ADARB2: variants seen among roughly 807,000 people sequenced by gnomAD.
ADARB2 encodes adenosine deaminase RNA specific B2 (inactive).
In ADARB2, 25 loss-of-function variants were observed where a neutral mutation model predicts 62.2. The ratio of observed to expected loss-of-function variants is 0.40; its 90% CI spans 0.29 to 0.56. ADARB2 has a LOEUF of 0.56. ADARB2 is among the 20% of genes least tolerant of loss of function. The pLI is 0.43. For synonymous variants in ADARB2, 572 were observed against 500.8 expected (o/e 1.14, Z -1.90); for missense variants, 1,071 against 1,077.4 (o/e 0.99, Z 0.08).
In ADARB2 at chr10:1,216,839, C is replaced by T. The variant is rs925625339; in HGVS notation, c.1682+112G>A. On this transcript the variant is annotated intron_variant, in intron 7 of 9. Coordinates refer to ENST00000381312, the MANE Select transcript of ADARB2 (RefSeq NM_018702.4). ...CACGGCTCAGGCACAGGGCCCTGAC[C>T]GCATGTGCCCAGCATCACTGACCTC... is the stretch of plus-strand genomic sequence containing the variant. 200 of 1,364,060 alleles carry T rather than the reference C, an allele frequency of 1.5e-4. No individual in the cohort carries two copies. The African/African-American group carries it at 1.9e-3, about 13-fold the overall frequency. 84.5% of individuals were successfully genotyped at this position (1,364,060 alleles called of 1,614,324 possible).
chr10:1,631,722 C>T (rs977439943), intron 1 of ADARB2, among the ~76,000 whole-genome samples: 2 of 152,174 alleles, frequency 1.3e-5, no homozygotes, highest in African/African-American at 2.4e-5. Flanking sequence ...TTCCATTCTC[C>T]TCCTGCTGCC....
At chr10:1,453,236 G>T (rs907778577) in intron 1 of ADARB2, among the ~76,000 whole-genome samples, 2 of 152,172 alleles carry the variant, frequency 1.3e-5, no homozygotes, top group Non-Finnish European at 2.9e-5. Context: ...TCCCTTTGCT[G>T]ATTGTGCCCT....
chr10:1,574,402 G>A (rs781738301), intron 1 of ADARB2, among the ~76,000 whole-genome samples: 6 of 152,230 alleles, frequency 3.9e-5, no homozygotes, highest in Non-Finnish European at 8.8e-5. Context: ...TTGGGCAGAC[G>A]ACGGGAGCCA....
chr10:1,374,364 G>A (rs538636566), intron 2 of ADARB2, among the ~76,000 whole-genome samples: 6 of 152,334 alleles, frequency 3.9e-5, no homozygotes, highest in African/African-American at 1.4e-4. Flanking sequence ...GCACCCTCCA[G>A]AGCCTCATAC....
At chr10:1,721,304 T>C (rs571415169) in intron 1 of ADARB2, among the ~76,000 whole-genome samples, 6 of 152,364 alleles carry the variant, frequency 3.9e-5, no homozygotes, top group South Asian at 2.1e-4. Context: ...TTTTGCTGTA[T>C]GTGTTCAGAT....
intron 1 of ADARB2, among the ~76,000 whole-genome samples, chr10:1,734,549 A>ACAC (rs1235274524): frequency 1.3e-5 from 2 of 152,190 alleles, no homozygotes; most frequent in Non-Finnish European, 2.9e-5. Context: ...AGATGTCACC[A>ACAC]CACTGGGAAA....
At chr10:1,686,202 G>A (rs1472949657) in intron 1 of ADARB2, among the ~76,000 whole-genome samples, 7 of 152,234 alleles carry the variant, frequency 4.6e-5, no homozygotes, top group African/African-American at 7.2e-5. Context: ...ATTTCAGGGC[G>A]GTGCTGATAG....
chr10:1,255,631 C>T lies in ADARB2; in HGVS notation c.1193-13332G>A, dbSNP rs576240454. ...TCCCCATCAGGGAATGGAACTTCTC[C>T]AAACCTGATGGGCTGTCGGTGAGGT... On this transcript the variant is annotated intron_variant, in intron 4 of 9. Transcript: ENST00000381312. The surrounding 1 kb of genome is among the most constrained non-coding windows in gnomAD (Gnocchi z 4.7). 6.0e-4 allele frequency among the ~76,000 whole-genome samples: 91 copies of T among 152,356 alleles called. No homozygotes were observed. The highest frequency in any genetic ancestry group is 2.0e-3 in the African/African-American group (83 of 41,584).
At chr10:1,330,693 G>A (rs972658497) in intron 3 of ADARB2, among the ~76,000 whole-genome samples, 1 of 152,156 alleles carries the variant, frequency 6.6e-6, no homozygotes, top group African/African-American at 2.4e-5. Context: ...TTTAGGCAAC[G>A]ATTCATTAGC....
intron 1 of ADARB2, among the ~76,000 whole-genome samples, chr10:1,603,003 CA>C (rs1833442369): frequency 6.9e-6 from 1 of 145,366 alleles, no homozygotes; most frequent in Admixed American, 6.9e-5. Context: ...CCAACACACA[CA>C]ACTGTACACA....
chr10:1,613,329 A>C (rs1701614526), intron 1 of ADARB2, among the ~76,000 whole-genome samples: 2 of 152,246 alleles, frequency 1.3e-5, no homozygotes, highest in Admixed American at 6.5e-5. Context: ...TTTTTTAAGC[A>C]AAAATATAAA....
chr10:1,221,210 C>T (rs1184491409), intron 6 of ADARB2, among the ~76,000 whole-genome samples: 3 of 152,048 alleles, frequency 2.0e-5, no homozygotes, highest in Non-Finnish European at 4.4e-5. Context: ...AAGTGTAGAA[C>T]CTCAAACTCC....
At chr10:1,198,552 T>C (rs565185959) in intron 8 of ADARB2, among the ~76,000 whole-genome samples, 5 of 152,232 alleles carry the variant, frequency 3.3e-5, no homozygotes, top group Admixed American at 6.5e-5. Flanking sequence ...TGCAAAATAA[T>C]GAAAACCAGA....
At chr10:1,186,203 G>A (rs1451981170) in intron 8 of ADARB2, among the ~76,000 whole-genome samples, 1 of 152,262 alleles carries the variant, frequency 6.6e-6, no homozygotes, top group African/African-American at 2.4e-5. Context: ...GGACGCCAGA[G>A]GCAGCGTCCT....
intron 7 of ADARB2, among the ~76,000 whole-genome samples, chr10:1,201,282 A>C (rs1836981394): frequency 6.6e-6 from 1 of 152,392 alleles, no homozygotes; most frequent in African/African-American, 2.4e-5. Flanking sequence ...AGGTCATTAA[A>C]GTAATGTGCT....
chr10:1,205,049 C>T (rs935589949), intron 7 of ADARB2, among the ~76,000 whole-genome samples: 2 of 152,144 alleles, frequency 1.3e-5, no homozygotes, highest in Middle Eastern at 3.2e-3. Flanking sequence ...GACTGGGTCC[C>T]CTGACCTCCT....
intron 1 of ADARB2, among the ~76,000 whole-genome samples, chr10:1,408,367 C>T (rs1030609287): frequency 1.3e-5 from 2 of 152,156 alleles, no homozygotes; most frequent in Non-Finnish European, 2.9e-5. Context: ...TACGTGCTCA[C>T]ATGTGATATG....
intron 1 of ADARB2, among the ~76,000 whole-genome samples, chr10:1,603,538 G>A (rs1158341744): frequency 4.0e-5 from 6 of 151,856 alleles, no homozygotes; most frequent in East Asian, 1.9e-4. Flanking sequence ...TTCCTTGGCC[G>A]AAGGAAGGCC....
intron 1 of ADARB2, among the ~76,000 whole-genome samples, chr10:1,648,847 C>A (rs1834076190): frequency 6.6e-6 from 1 of 152,182 alleles, no homozygotes; most frequent in Non-Finnish European, 1.5e-5. Context: ...GTCAGCACCA[C>A]TGTTCTCGAG....
Sources: allele counts gnomAD v4.1 joint callset (sites outside exome capture counted in the v4.1 genomes callset), GRCh38; gene constraint gnomAD v4.1.1; non-coding constraint Gnocchi (gnomAD v3.1); transcripts MANE v1.5; gene names NCBI Gene and HGNC (gene_info 2026-07-23, HGNC 2026-07-21).